The following PRUNE2 variants were observed in gnomAD, a reference collection of about 807,000 sequenced individuals.
The protein encoded by PRUNE2 is prune homolog 2 with BCH domain, also known as protein prune homolog 2.
Under a neutral mutation model 252.0 loss-of-function variants are expected in PRUNE2, and 164 were observed. The ratio of observed to expected loss-of-function variants is 0.65; its 90% CI spans 0.57 to 0.74. The LOEUF (loss-of-function observed/expected upper bound fraction) is 0.74, where lower values mean the gene tolerates loss of function less well. Among genes scored for constraint, PRUNE2 ranks in the 30% least tolerant of loss-of-function variants. PRUNE2 has a pLI of 0.00. For synonymous variants in PRUNE2, 1,292 were observed against 1,350.2 expected, an observed-to-expected ratio of 0.96 and a Z score of 0.94; for missense variants, 3,495 against 3,711.0, an observed-to-expected ratio of 0.94 and a Z score of 1.51.
intron 1 of PRUNE2, among the ~76,000 whole-genome samples, chr9:76,856,280 A>G (rs1405157842): frequency 6.6e-6 from 1 of 152,206 alleles, no homozygotes; most frequent in Non-Finnish European, 1.5e-5. Flanking sequence ...CAGCGTCCAC[A>G]CAAGTGAGCA....
intron 6 of PRUNE2, among the ~76,000 whole-genome samples, chr9:76,815,532 C>G (rs1418403517): frequency 6.6e-6 from 1 of 152,140 alleles, no homozygotes; most frequent in Non-Finnish European, 1.5e-5. Flanking sequence ...TTCATGAGAG[C>G]AGAATGCTCA....
chr9:76,763,606 T>A (rs377574526), intron 6 of PRUNE2, among the ~76,000 whole-genome samples: 1 of 152,142 alleles, frequency 6.6e-6, no homozygotes, highest in Admixed American at 6.5e-5. Flanking sequence ...CAAGAGAGGA[T>A]CTGGTGTCGT....
intron 9 of PRUNE2, among the ~76,000 whole-genome samples, chr9:76,689,513 A>G (rs562469844): frequency 6.6e-6 from 1 of 152,012 alleles, no homozygotes; most frequent in East Asian, 1.9e-4. Flanking sequence ...ATGCCACCAC[A>G]TTCAGCTAAT....
At chr9:76,651,312 A>G (rs1847292473) in intron 11 of PRUNE2, among the ~76,000 whole-genome samples, 3 of 152,322 alleles carry the variant, frequency 2.0e-5, no homozygotes, top group African/African-American at 7.2e-5. Flanking sequence ...CTGTCAAGGT[A>G]GAGTCTGAAC....
At position 76,704,108 on chromosome 9, in the gene PRUNE2, G is replaced by T; in HGVS notation, c.7514-9C>A. 6.4e-7 allele frequency: 1 copy of T among 1,565,202 alleles called. No individual in the cohort carries two copies. The highest frequency in any genetic ancestry group is 2.2e-5 in the East Asian group (1 of 44,576). On this transcript the variant is annotated splice_polypyrimidine_tract_variant and intron_variant, in intron 8 of 18. Coordinates refer to ENST00000376718, the MANE Select transcript of PRUNE2 (RefSeq NM_015225.3). ...TATTTCCTTGCTGGCACCTAGAAGT[G>T]GAAGTTGAAAGTGAGAAGAGGAGAA...
chr9:76,890,579 A>ATG (rs1276342162), intron 1 of PRUNE2, among the ~76,000 whole-genome samples: 1 of 152,192 alleles, frequency 6.6e-6, no homozygotes, highest in Non-Finnish European at 1.5e-5. Context: ...GGTGTGCACG[A>ATG]TTTAACAACT....
intron 6 of PRUNE2, chr9:76,739,400 A>G (rs1041182636): frequency 5.3e-5 from 8 of 152,162 alleles, no homozygotes; most frequent in African/African-American, 1.9e-4. Context: ...TGACACTATT[A>G]ATAGTCTTTA....
In PRUNE2 at chr9:76,704,040, C is replaced by T; in HGVS notation, c.7573G>A (p.Glu2525Lys). The T allele has an allele frequency of 6.2e-7, 1 of 1,610,722 alleles. No individual in the cohort carries two copies. The highest frequency in any genetic ancestry group is 1.1e-5 in the South Asian group (1 of 90,420). ...TCCTTGTATTCTGATTTTATCTGCTCAGGCTCTTTGGTAGGAATTGTTTTT... is the reference window on the plus strand; with the variant it reads ...TCCTTGTATTCTGATTTTATCTGCTTAGGCTCTTTGGTAGGAATTGTTTTT... ...EEKTIPTKEP[E>K]QIKSEYKEER... The change falls in exon 9 of 19, where the codon GAG becomes AAG. Residue 2525 changes from glutamate to lysine, a missense_variant. By Grantham distance (56) the Glu-to-Lys change is moderately conservative. Coordinates refer to ENST00000376718, the MANE Select transcript of PRUNE2 (RefSeq NM_015225.3).
intron 9 of PRUNE2, among the ~76,000 whole-genome samples, chr9:76,656,211 G>T (rs1849162120): frequency 6.6e-6 from 1 of 151,574 alleles, no homozygotes; most frequent in South Asian, 2.1e-4. Flanking sequence ...AATACCAAAG[G>T]CAATTGTGAC....
At chr9:76,635,704 T>C (rs1241032839) in intron 15 of PRUNE2, among the ~76,000 whole-genome samples, 1 of 152,210 alleles carries the variant, frequency 6.6e-6, no homozygotes, top group South Asian at 2.1e-4. Context: ...ATCAGAATTT[T>C]TAAAAGAAAT....
chr9:76,898,765 A>G (rs888074920), intron 1 of PRUNE2, among the ~76,000 whole-genome samples: 7 of 152,264 alleles, frequency 4.6e-5, no homozygotes, highest in African/African-American at 1.7e-4. Flanking sequence ...GGGAAGCCAA[A>G]GCAAGAAATA....
At chr9:76,741,494 C>T (rs1404467041) in intron 6 of PRUNE2, among the ~76,000 whole-genome samples, 1 of 152,146 alleles carries the variant, frequency 6.6e-6, no homozygotes, top group Non-Finnish European at 1.5e-5. Context: ...AGCAAATAAG[C>T]TAGGAATCAG....
In PRUNE2 at chr9:76,629,152, T is replaced by TA. The variant is rs1836307947; in HGVS notation, c.9149+39dup. ...GCCACCACACCCAGCCTCAAACTAG[T>TA]ACTATTTCTTAACACATCTCTGAAA... On this transcript the variant is annotated intron_variant, in intron 16 of 18. Transcript: ENST00000376718. 4.7e-6 allele frequency: 6 copies of TA among 1,272,616 alleles called. 1 individual carries two copies. The South Asian group carries it at 7.8e-5, about 17-fold the overall frequency. The allele number at this position is 1,272,616 out of a possible 1,614,324, so 78.8% of individuals were successfully genotyped here.
At position 76,710,882 on chromosome 9, in the gene PRUNE2, T is replaced by C. The variant is rs747484628; in HGVS notation, c.1392A>G (p.Pro464=). ...EGAGPHHTLL[P]GLDSYSPIPE... ...GGATGGGGCTGTAGGAGTCAAGCCC[T>C]GGGAGAAGGGTGTGGTGAGGCCCAG... Residue 464 remains proline (P), a synonymous_variant, in exon 8 of 19, where the codon CCA becomes CCG. Coordinates refer to ENST00000376718, the MANE Select transcript of PRUNE2 (RefSeq NM_015225.3). The C allele has an allele frequency of 1.9e-6, 3 of 1,543,124 alleles. No homozygotes were observed. Among genetic ancestry groups the C allele is most frequent in the Non-Finnish European group, 2.6e-6 (3 of 1,146,818 alleles).
chr9:76,632,835 A>C (rs1404677310), intron 15 of PRUNE2, among the ~76,000 whole-genome samples: 1 of 152,238 alleles, frequency 6.6e-6, no homozygotes, highest in Non-Finnish European at 1.5e-5. Context: ...AGCTGGAATT[A>C]TAGGCACAAG....
intron 1 of PRUNE2, among the ~76,000 whole-genome samples, chr9:76,884,168 C>A (rs61477722): frequency 0.036 from 5,452 of 152,222 alleles, 325 homozygotes; most frequent in African/African-American, 0.12. Flanking sequence ...GCACAAAGCA[C>A]ACTTGGGTTA....
intron 1 of PRUNE2, among the ~76,000 whole-genome samples, chr9:76,878,120 T>C (rs1234091891): frequency 6.6e-6 from 1 of 152,182 alleles, no homozygotes. Context: ...AATCAGATAG[T>C]CCTTGAGGCC....
chr9:76,664,743 G>A (rs1417953335), intron 9 of PRUNE2, among the ~76,000 whole-genome samples: 1 of 152,066 alleles, frequency 6.6e-6, no homozygotes. Flanking sequence ...CAACTCCCAG[G>A]CTCAAGTGAT....
At chr9:76,846,715 A>AT in intron 3 of PRUNE2, 37 bp from the exon 4 acceptor site, 1 of 1,573,162 alleles carries the variant, frequency 6.4e-7, no homozygotes, top group South Asian at 1.1e-5. Flanking sequence ...AGAAAGGGAT[A>AT]TGGCATGTCT....
Sources: gnomAD v4.1 joint callset for allele counts (sites outside exome capture counted in the v4.1 genomes callset) on GRCh38, gnomAD v4.1.1 for gene constraint, MANE v1.5 for transcripts, NCBI Gene and HGNC (gene_info 2026-07-23, HGNC 2026-07-21) for gene names.